The following GDF9 variants were observed in gnomAD, a reference collection of about 807,000 sequenced individuals.
GDF9 encodes growth differentiation factor 9, also known as growth/differentiation factor 9.
A neutral mutation model predicts 33.8 loss-of-function variants in GDF9; 30 were observed. The ratio of observed to expected loss-of-function variants is 0.89; its 90% CI spans 0.66 to 1.20. The LOEUF is 1.20. Among genes scored for constraint, GDF9 ranks in the 50% most tolerant of loss-of-function variants. GDF9 has a pLI of 0.00. For missense variants in GDF9, 556 were observed against 543.7 expected (o/e 1.02, Z -0.22); for synonymous variants, 205 against 200.7 (o/e 1.02, Z -0.18).
rs1483241970 is a variant in GDF9 at position 132,866,037 on chromosome 5, T to G, written c.-1504A>C. Among the ~76,000 whole-genome samples, 11 of 152,196 alleles carry G rather than the reference T, an allele frequency of 7.2e-5. No individual in the cohort carries two copies. Among genetic ancestry groups the G allele is most frequent in the Non-Finnish European group, 1.5e-5 (1 of 68,034 alleles). On this transcript the variant is annotated 5_prime_UTR_variant, in exon 1 of 2. Transcript: ENST00000687138. ...TGAAACTGACGAAACGTTTGTATTA[T>G]CTCTTGGGAACGTTAACAGCCTGCC...
chr5:132,864,285 G>T lies in GDF9; in HGVS notation c.249C>A (p.Ser83=). The part of the protein sequence containing the change: ...RGGSPRLQPD[S]RALHYMKKLY... ...GCTTCTTCATGTAGTGCAAAGCTCT[G>T]GAGTCTGGCTGCAGCCTAGGTGACC... The change falls in exon 1 of 2, where the codon TCC becomes TCA. Residue 83 remains serine, a synonymous_variant. Transcript: ENST00000687138. 1 of 1,614,214 alleles carries T rather than the reference G, an allele frequency of 6.2e-7. No individual in the cohort carries two copies. Among genetic ancestry groups the T allele is most frequent in the Non-Finnish European group, 8.5e-7 (1 of 1,180,038 alleles).
chr5:132,866,618 G>A, upstream of GDF9: 1 of 568,252 alleles, frequency 1.8e-6, no homozygotes, highest in Non-Finnish European at 3.2e-6. Context: ...TCCAAGAGCG[G>A]CTTCCAACCT....
chr5:132,864,590 C>T lies in GDF9; in HGVS notation c.-57G>A, dbSNP rs932981616. 4.5e-6 allele frequency: 7 copies of T among 1,545,780 alleles called. No homozygotes were observed. The African/African-American group carries it at 6.8e-5, about 15-fold the overall frequency. ...TCCATGCCAGTCCTCTTCCTAAAGG[C>T]CAGGAAGAGCCTAGCTTGGTCTCTT... On this transcript the variant is annotated 5_prime_UTR_variant, in exon 1 of 2. Transcript: ENST00000687138.
At position 132,864,654 on chromosome 5, in the gene GDF9, C is replaced by G. The variant is rs758438864; in HGVS notation, c.-121G>C. 1 of 949,772 alleles carries G rather than the reference C, an allele frequency of 1.1e-6. No individual in the cohort carries two copies. The highest frequency in any genetic ancestry group is 1.6e-6 in the Non-Finnish European group (1 of 606,342). 58.8% of individuals were successfully genotyped at this position (949,772 alleles called of 1,614,324 possible). A position where few individuals can be genotyped will look rare whatever the true frequency, so the allele number is the denominator to read the frequency against. On this transcript the variant is annotated 5_prime_UTR_variant, in exon 1 of 2. Transcript: ENST00000687138. ...GTGTGTGGGTGGACTACGGTCACTT[C>G]TGTAATCAGGCCTCAAGTATGCCTA...
At position 132,861,983 on chromosome 5, in the gene GDF9, A is replaced by C; in HGVS notation, c.971T>G (p.Val324Gly). 1.2e-6 allele frequency: 2 copies of C among 1,614,062 alleles called. No individual in the cohort carries two copies. Among genetic ancestry groups the C allele is most frequent in the South Asian group, 1.1e-5 (1 of 91,074 alleles). Residue 324 changes from valine to glycine, a missense_variant, in exon 2 of 2, where the codon GTC (valine) becomes GGC (glycine). Coordinates refer to ENST00000687138, the MANE Select transcript of GDF9 (RefSeq NM_005260.7). Reference sequence around the variant, plus strand: ...CAAGGGCTTCTTCAATTCAGAACTGACAGTTTCCTGACCTCTGCGGTGACG... The same window carrying C: ...CAAGGGCTTCTTCAATTCAGAACTGCCAGTTTCCTGACCTCTGCGGTGACG... ...HHRHRRGQET[V>G]SSELKKPLGP... is the part of the protein sequence containing the mutation.
chr5:132,866,404 G>T lies in GDF9; in HGVS notation c.-1871C>A, dbSNP rs1321900820. The T allele has an allele frequency of 5.9e-6, 1 of 170,854 alleles. No homozygotes were observed. Among genetic ancestry groups the T allele is most frequent in the African/African-American group, 2.4e-5 (1 of 41,624 alleles). 10.6% of individuals were successfully genotyped at this position (170,854 alleles called of 1,614,324 possible). ...AAAGCCGAGGGCTGAGGAGAAGTGT[G>T]AGCGCCTCCGCCTGTCCACTGTCCC... On this transcript the variant is annotated 5_prime_UTR_variant, in exon 1 of 2. Coordinates refer to ENST00000687138, the MANE Select transcript of GDF9 (RefSeq NM_005260.7).
chr5:132,864,608 G>A lies in GDF9; in HGVS notation c.-75C>T. 1.3e-6 allele frequency: 2 copies of A among 1,495,306 alleles called. No individual in the cohort carries two copies. The highest frequency in any genetic ancestry group is 1.8e-6 in the Non-Finnish European group (2 of 1,088,360). The allele number at this position is 1,495,306 out of a possible 1,614,324, so 92.6% of individuals were successfully genotyped here. Reference sequence around the variant, plus strand: ...CTAAAGGCCAGGAAGAGCCTAGCTTGGTCTCTTAAATAAATTTCAGGTGTG... The same window carrying A: ...CTAAAGGCCAGGAAGAGCCTAGCTTAGTCTCTTAAATAAATTTCAGGTGTG... On this transcript the variant is annotated 5_prime_UTR_variant, in exon 1 of 2. Coordinates refer to ENST00000687138, the MANE Select transcript of GDF9 (RefSeq NM_005260.7).
In GDF9 at chr5:132,865,861, C is replaced by A. The variant is rs1210788927; in HGVS notation, c.-1328G>T. 6.6e-6 allele frequency among the ~76,000 whole-genome samples: 1 copy of A among 152,120 alleles called. No individual in the cohort carries two copies. The highest frequency in any genetic ancestry group is 1.5e-5 in the Non-Finnish European group (1 of 68,026). Reference sequence around the variant, plus strand: ...GGGAAAACATAATAAGGCCTCTCACCCGACTTTCCTTGCTTCTCACGTGGG... The same window carrying A: ...GGGAAAACATAATAAGGCCTCTCACACGACTTTCCTTGCTTCTCACGTGGG... On this transcript the variant is annotated 5_prime_UTR_variant, in exon 1 of 2. Transcript: ENST00000687138.
At position 132,862,412 on chromosome 5, in the gene GDF9, T is replaced by C. The variant is rs1029833498; in HGVS notation, c.542A>G (p.Lys181Arg). Residue 181 changes from lysine to arginine, a missense_variant, in exon 2 of 2, where the codon AAG (lysine) becomes AGG (arginine). Physicochemically the swap from Lys to Arg is conservative, Grantham distance 26. Transcript: ENST00000687138. Reference protein sequence around the residue: ...AVKCVCNLMIKEPKSSSRTLG... With the variant: ...AVKCVCNLMIREPKSSSRTLG... ...AGTCCTGCTAGAAGACTTTGGCTCC[T>C]TTATCATTAGATTGCACACACATTT... is the stretch of plus-strand genomic sequence containing the variant. 1 of 1,614,086 alleles carries C rather than the reference T, an allele frequency of 6.2e-7. No homozygotes were observed.
intron 1 of GDF9, 25 bp from the exon 2 acceptor site, chr5:132,862,581 TA>T (rs1179043573): frequency 6.3e-7 from 1 of 1,587,916 alleles, no homozygotes; most frequent in Non-Finnish European, 8.6e-7. Context: ...AATCTACCAG[TA>T]GTGCTTGAAA....
At chr5:132,863,899 G>C (rs1463207323) in intron 1 of GDF9, among the ~76,000 whole-genome samples, 3 of 152,196 alleles carry the variant, frequency 2.0e-5, no homozygotes, top group Non-Finnish European at 4.4e-5. Flanking sequence ...GCTCAGCCTT[G>C]AAAGCCATTA....
In GDF9 at chr5:132,862,205, T is replaced by C; in HGVS notation, c.749A>G (p.Gln250Arg). ...MKDQLEHPSA[Q>R]NGLFNMTLVS... ...CAGAGTCATGTTAAACAAACCATTC[T>C]GTGCTGAAGGATGCTCCAGCTGGTC... The change falls in exon 2 of 2, where the codon CAG (glutamine) becomes CGG (arginine). Residue 250 changes from glutamine to arginine, a missense_variant. Physicochemically the swap from Gln to Arg is conservative, Grantham distance 43. Transcript: ENST00000687138. 1.2e-6 allele frequency: 2 copies of C among 1,613,932 alleles called. No homozygotes were observed. The highest frequency in any genetic ancestry group is 2.2e-5 in the South Asian group (2 of 91,082).
Position 132,866,234 on chromosome 5 carries a change from C to G in GDF9, c.-1701G>C, listed in dbSNP as rs1759594085. 1 of 153,058 alleles carries G rather than the reference C, an allele frequency of 6.5e-6. No individual in the cohort carries two copies. The highest frequency in any genetic ancestry group is 2.0e-4 in the South Asian group (1 of 5,046). The allele number at this position is 153,058 out of a possible 1,614,324, so 9.5% of individuals were successfully genotyped here. A position where few individuals can be genotyped will look rare whatever the true frequency, so the allele number is the denominator to read the frequency against. On this transcript the variant is annotated 5_prime_UTR_variant, in exon 1 of 2. Coordinates refer to ENST00000687138, the MANE Select transcript of GDF9 (RefSeq NM_005260.7). ...GCGGCCCGGCCTCGGGGCTCAGAGGCGCTCTGTCTACAGCTGGGAAGACTC... is the reference window on the plus strand; with the variant it reads ...GCGGCCCGGCCTCGGGGCTCAGAGGGGCTCTGTCTACAGCTGGGAAGACTC...
upstream of GDF9, chr5:132,866,562 T>G: frequency 2.3e-6 from 1 of 432,852 alleles, no homozygotes; most frequent in Non-Finnish European, 4.3e-6. Context: ...CGTCATCCCT[T>G]AGAGACAGTA....
rs985037568 is a variant in GDF9 at position 132,866,384 on chromosome 5, C to T, written c.-1851G>A. 5 of 161,794 alleles carry T rather than the reference C, an allele frequency of 3.1e-5. No homozygotes were observed. The highest frequency in any genetic ancestry group is 6.8e-5 in the Non-Finnish European group (5 of 73,494). The allele number at this position is 161,794 out of a possible 1,614,324, so 10.0% of individuals were successfully genotyped here. ...CCTGACTGGGATTCCACAGAAAAGCCGAGGGCTGAGGAGAAGTGTGAGCGC... is the reference window on the plus strand; with the variant it reads ...CCTGACTGGGATTCCACAGAAAAGCTGAGGGCTGAGGAGAAGTGTGAGCGC... On this transcript the variant is annotated 5_prime_UTR_variant, in exon 1 of 2. Coordinates refer to ENST00000687138, the MANE Select transcript of GDF9 (RefSeq NM_005260.7).
Position 132,862,407 on chromosome 5 carries a change from G to T in GDF9, c.547C>A (p.Pro183Thr). The T allele has an allele frequency of 6.2e-7, 1 of 1,614,000 alleles. No homozygotes were observed. The highest frequency in any genetic ancestry group is 8.5e-7 in the Non-Finnish European group (1 of 1,179,896). ...KCVCNLMIKEPKSSSRTLGRA... is the reference protein window; with the variant it reads ...KCVCNLMIKETKSSSRTLGRA... ...CCGAGAGTCCTGCTAGAAGACTTTGGCTCCTTTATCATTAGATTGCACACA... is the reference window on the plus strand; with the variant it reads ...CCGAGAGTCCTGCTAGAAGACTTTGTCTCCTTTATCATTAGATTGCACACA... The change falls in exon 2 of 2, where the codon CCA becomes ACA. Residue 183 changes from proline (P) to threonine (T), a missense_variant. Physicochemically the swap from Pro to Thr is conservative, Grantham distance 38. Transcript: ENST00000687138.
In GDF9 at chr5:132,861,477, T is replaced by A. The variant is rs577391809; in HGVS notation, c.*112A>T. 2.2e-6 allele frequency: 2 copies of A among 912,098 alleles called. No homozygotes were observed. The highest frequency in any genetic ancestry group is 2.7e-5 in the South Asian group (2 of 75,134). 56.5% of individuals were successfully genotyped at this position (912,098 alleles called of 1,614,324 possible). A position where few individuals can be genotyped will look rare whatever the true frequency, so the allele number is the denominator to read the frequency against. On this transcript the variant is annotated 3_prime_UTR_variant, in exon 2 of 2. Transcript: ENST00000687138. ...TAACCTACACAGGCTCCTCTTTATATAACATATGCTACATTTAGAGACTTA... is the reference window on the plus strand; with the variant it reads ...TAACCTACACAGGCTCCTCTTTATAAAACATATGCTACATTTAGAGACTTA...
At chr5:132,866,499 G>T (rs1197674699), upstream of GDF9, 2 of 274,054 alleles carry the variant, frequency 7.3e-6, no homozygotes, top group Admixed American at 1.0e-4. Flanking sequence ...GGCCTCCAAG[G>T]CACCTCCCAC....
chr5:132,864,540 G>T lies in GDF9; in HGVS notation c.-7C>A, dbSNP rs1358133345. 1 of 1,603,644 alleles carries T rather than the reference G, an allele frequency of 6.2e-7. No individual in the cohort carries two copies. Among genetic ancestry groups the T allele is most frequent in the Non-Finnish European group, 8.5e-7 (1 of 1,179,900 alleles). Reference sequence around the variant, plus strand: ...ATTTGTTGGGACGTGCCATGGCTTGGGAGAACTAGTGAGGAACATATTTCT... The same window carrying T: ...ATTTGTTGGGACGTGCCATGGCTTGTGAGAACTAGTGAGGAACATATTTCT... On this transcript the variant is annotated 5_prime_UTR_variant, in exon 1 of 2. Transcript: ENST00000687138.
Sources: allele counts gnomAD v4.1 joint callset (sites outside exome capture counted in the v4.1 genomes callset), GRCh38; gene constraint gnomAD v4.1.1; transcripts MANE v1.5; gene names NCBI Gene and HGNC (gene_info 2026-07-23, HGNC 2026-07-21).